The following SLC14A2 variants were observed in gnomAD, a reference collection of about 807,000 sequenced individuals.
The protein encoded by SLC14A2 is solute carrier family 14 member 2, also known as urea transporter 2.
SLC14A2 carries 91 observed loss-of-function variants against 104.6 expected under a neutral mutation model. That is an observed-to-expected ratio of 0.87 (90% CI 0.73 to 1.04). The LOEUF (loss-of-function observed/expected upper bound fraction) is 1.04, where lower values mean the gene tolerates loss of function less well. Ranked by LOEUF, SLC14A2 falls within the 50% of genes least tolerant of loss-of-function variation. The pLI, the probability that SLC14A2 is intolerant of heterozygous loss-of-function variation, is 0.00. For synonymous variants in SLC14A2, 476 were observed against 466.4 expected (o/e 1.02, Z -0.27); for missense variants, 1,189 against 1,156.0 (o/e 1.03, Z -0.41).
intron 2 of SLC14A2, among the ~76,000 whole-genome samples, chr18:45,552,004 T>C (rs997502661): frequency 1.3e-5 from 2 of 152,218 alleles, no homozygotes; most frequent in African/African-American, 4.8e-5. Flanking sequence ...CACTTAGATT[T>C]TGAGATTTTC....
chr18:45,186,682 A>G, the SLC14A2 span, among the ~76,000 whole-genome samples: 3 of 152,214 alleles, frequency 2.0e-5, no homozygotes, highest in Admixed American at 2.0e-4. Context: ...AAGCATCCAG[A>G]GAGTCATAGC....
intron 2 of SLC14A2, among the ~76,000 whole-genome samples, chr18:45,589,744 C>T (rs1229533193): frequency 6.6e-6 from 1 of 152,188 alleles, no homozygotes; most frequent in Non-Finnish European, 1.5e-5. Context: ...ATATGATATA[C>T]TGTCGTTTCA....
intron 1 of SLC14A2, among the ~76,000 whole-genome samples, chr18:45,414,703 G>A (rs1448065900): frequency 2.8e-5 from 4 of 140,412 alleles, no homozygotes; most frequent in African/African-American, 8.1e-5. Context: ...AGGATACAGT[G>A]GGCCTTTTCA....
intron 10 of SLC14A2, 99 bp from the exon 11 acceptor site, chr18:45,663,686 C>T (rs553502192): frequency 7.3e-7 from 1 of 1,379,014 alleles, no homozygotes; most frequent in Non-Finnish European, 1.0e-6. Flanking sequence ...ACTGCTCTCT[C>T]CTTTCCAGCA....
intron 1 of SLC14A2, among the ~76,000 whole-genome samples, chr18:45,279,039 T>C (rs778639289): frequency 5.9e-5 from 9 of 152,172 alleles, no homozygotes; most frequent in African/African-American, 2.2e-4. Flanking sequence ...ATGCAGTAAA[T>C]TGGGGAGTTG....
At chr18:45,342,880 C>A (rs958969712) in intron 1 of SLC14A2, among the ~76,000 whole-genome samples, 1 of 152,210 alleles carries the variant, frequency 6.6e-6, no homozygotes. Flanking sequence ...AGATCTACTT[C>A]TAGTTATAGA....
chr18:45,481,182 G>A (rs2087486126), intron 1 of SLC14A2, among the ~76,000 whole-genome samples: 1 of 151,992 alleles, frequency 6.6e-6, no homozygotes, highest in Non-Finnish European at 1.5e-5. Flanking sequence ...GCCAGGTTTT[G>A]GAGGACAGGC....
chr18:45,667,245 T>C (rs1029154716), intron 13 of SLC14A2, 151 bp downstream of exon 13: 3 of 615,146 alleles, frequency 4.9e-6, no homozygotes, highest in African/African-American at 3.7e-5. Flanking sequence ...GCTGGGAGTT[T>C]TGCTGTTAAA....
intron 18 of SLC14A2, among the ~76,000 whole-genome samples, chr18:45,677,508 C>T (rs1568006963): frequency 6.6e-6 from 1 of 152,216 alleles, no homozygotes; most frequent in Non-Finnish European, 1.5e-5. Context: ...GGGCAAGTTG[C>T]TTGAACTCTC....
chr18:45,214,211 A>G (rs545392773), intron 1 of SLC14A2, among the ~76,000 whole-genome samples: 148 of 152,298 alleles, frequency 9.7e-4, no homozygotes, highest in African/African-American at 3.3e-3. Flanking sequence ...AATTGTATAA[A>G]TTTACTCAAC....
intron 1 of SLC14A2, among the ~76,000 whole-genome samples, chr18:45,622,106 A>T (rs72908353): frequency 0.025 from 3,849 of 152,324 alleles, 96 homozygotes; most frequent in East Asian, 0.069. Flanking sequence ...GGCTTTAAGC[A>T]GGGATCCAAC....
intron 1 of SLC14A2, among the ~76,000 whole-genome samples, chr18:45,364,586 G>A (rs2085648221): frequency 6.6e-6 from 1 of 152,174 alleles, no homozygotes; most frequent in Non-Finnish European, 1.5e-5. Flanking sequence ...AATAGGAGTG[G>A]ATGTGGCTGA....
At chr18:45,618,418 C>T (rs1404419113) in intron 1 of SLC14A2, among the ~76,000 whole-genome samples, 1 of 152,056 alleles carries the variant, frequency 6.6e-6, no homozygotes. Flanking sequence ...TCTGTAATCC[C>T]AGCACTTTGG....
chr18:45,471,356 C>T (rs1385667201), intron 1 of SLC14A2, among the ~76,000 whole-genome samples: 4 of 152,098 alleles, frequency 2.6e-5, no homozygotes, highest in Admixed American at 2.6e-4. Flanking sequence ...GAGAGTCTTT[C>T]TTTACCATTG....
At chr18:45,503,951 G>A (rs2043242430) in intron 2 of SLC14A2, among the ~76,000 whole-genome samples, 1 of 152,172 alleles carries the variant, frequency 6.6e-6, no homozygotes, top group Non-Finnish European at 1.5e-5. Context: ...GCCCCTTCCA[G>A]AACCATCGCT....
At chr18:45,182,948 T>C in the SLC14A2 span, among the ~76,000 whole-genome samples, 1 of 152,148 alleles carries the variant, frequency 6.6e-6, no homozygotes, top group South Asian at 2.1e-4. Flanking sequence ...TAAATAAAAA[T>C]CATGAGGGAA....
At chr18:45,464,035 C>T (rs981344548) in intron 1 of SLC14A2, among the ~76,000 whole-genome samples, 1 of 152,180 alleles carries the variant, frequency 6.6e-6, no homozygotes, top group Non-Finnish European at 1.5e-5. Flanking sequence ...AAATGAGATA[C>T]AAGAACGCTA....
At chr18:45,379,772 G>A (rs2253161) in intron 1 of SLC14A2, among the ~76,000 whole-genome samples, 78,163 of 152,026 alleles carry the variant, frequency 0.51, 23,838 homozygotes, top group African/African-American at 0.86. Flanking sequence ...TGAGTCTCCC[G>A]TCCTCTAATT....
At chr18:45,210,161 C>T (rs2143964315), upstream of SLC14A2, among the ~76,000 whole-genome samples, 1 of 152,270 alleles carries the variant, frequency 6.6e-6, no homozygotes, top group East Asian at 1.9e-4. Flanking sequence ...CAGAAACATC[C>T]AGGATAGAAT....
Sources: gnomAD v4.1 joint callset for allele counts (sites outside exome capture counted in the v4.1 genomes callset) on GRCh38, gnomAD v4.1.1 for gene constraint, MANE v1.5 for transcripts, NCBI Gene and HGNC (gene_info 2026-07-23, HGNC 2026-07-21) for gene names.